The following CD2AP variants were observed in gnomAD, a reference collection of about 807,000 sequenced individuals.
CD2AP encodes CD2 associated protein.
CD2AP carries 46 observed loss-of-function variants against 85.1 expected under a neutral mutation model. The ratio of observed to expected loss-of-function variants is 0.54; its 90% CI spans 0.43 to 0.69. The LOEUF is 0.69. Among genes scored for constraint, CD2AP ranks in the 30% least tolerant of loss-of-function variants. The pLI, the probability that CD2AP is intolerant of heterozygous loss-of-function variation, is 0.00. For missense variants in CD2AP, 769 were observed against 729.5 expected (o/e 1.05, Z -0.62); for synonymous variants, 255 against 252.9 (o/e 1.01, Z -0.08).
intron 3 of CD2AP, among the ~76,000 whole-genome samples, chr6:47,543,142 CTG>C (rs1257096620): frequency 1.1e-4 from 8 of 72,138 alleles, no homozygotes; most frequent in Non-Finnish European, 1.9e-4. Context: ...CAGAGCAAGA[CTG>C]TCTCAAAAAA....
intron 9 of CD2AP, 48 bp downstream of exon 9, chr6:47,579,537 C>T (rs760223406): frequency 3.4e-5 from 42 of 1,221,616 alleles, no homozygotes; most frequent in Non-Finnish European, 4.6e-5. Flanking sequence ...GAACATTTTG[C>T]CACTATTCTT....
In CD2AP at chr6:47,595,904, T is replaced by C. The variant is rs763743863; in HGVS notation, c.1152T>C (p.Ala384=). ...AACAGAAACCTTCTAAACCAGCAGC[T>C]CCACAAGTCCCACCCAAGAAACCTA... ...TLEQKPSKPA[A]PQVPPKKPTP... The change falls in exon 12 of 18, where the codon GCT becomes GCC. Residue 384 remains alanine, a synonymous_variant. Transcript: ENST00000359314. 1 of 1,612,856 alleles carries C rather than the reference T, an allele frequency of 6.2e-7. No homozygotes were observed. Among genetic ancestry groups the C allele is most frequent in the Non-Finnish European group, 8.5e-7 (1 of 1,179,146 alleles).
In CD2AP at chr6:47,574,267, T is replaced by G. The variant is rs1768242091; in HGVS notation, c.729+16T>G. Reference sequence around the variant, plus strand: ...ACCAGAAAAGGTGGTAATGATGGACTTGTTAGATTAACTCCACTCATTCTC... The same window carrying G: ...ACCAGAAAAGGTGGTAATGATGGACGTGTTAGATTAACTCCACTCATTCTC... On this transcript the variant is annotated intron_variant, in intron 6 of 17. Coordinates refer to ENST00000359314, the MANE Select transcript of CD2AP (RefSeq NM_012120.3). 6.2e-7 allele frequency: 1 copy of G among 1,604,888 alleles called. No homozygotes were observed. Among genetic ancestry groups the G allele is most frequent in the African/African-American group, 1.3e-5 (1 of 74,756 alleles).
At chr6:47,496,047 T>TA (rs1467275274) in intron 1 of CD2AP, among the ~76,000 whole-genome samples, 1 of 152,218 alleles carries the variant, frequency 6.6e-6, no homozygotes, top group Non-Finnish European at 1.5e-5. Flanking sequence ...CCTGTATACT[T>TA]ACCACTTCTT....
At chr6:47,590,629 C>T (rs1050727674) in intron 11 of CD2AP, among the ~76,000 whole-genome samples, 2 of 151,986 alleles carry the variant, frequency 1.3e-5, no homozygotes, top group South Asian at 2.1e-4. Context: ...TGCTCACCAT[C>T]GGGTTTGAGT....
intron 1 of CD2AP, among the ~76,000 whole-genome samples, chr6:47,487,914 G>C (rs898504246): frequency 2.6e-5 from 4 of 152,002 alleles, no homozygotes; most frequent in Non-Finnish European, 5.9e-5. Flanking sequence ...ATTGGGTAGA[G>C]AGGGCCAACC....
chr6:47,507,560 G>C (rs1258473730), intron 2 of CD2AP, among the ~76,000 whole-genome samples: 1 of 152,048 alleles, frequency 6.6e-6, no homozygotes, highest in African/African-American at 2.4e-5. Context: ...TAGTTCAAGC[G>C]ATTCTCCTTG....
At chr6:47,602,762 A>G (rs1350110530) in intron 13 of CD2AP, among the ~76,000 whole-genome samples, 1 of 151,158 alleles carries the variant, frequency 6.6e-6, no homozygotes, top group Non-Finnish European at 1.5e-5. Flanking sequence ...GATGGTGTGC[A>G]CCTGTAGTCC....
At chr6:47,522,330 TGATAA>T (rs1766619575) in intron 2 of CD2AP, among the ~76,000 whole-genome samples, 1 of 152,210 alleles carries the variant, frequency 6.6e-6, no homozygotes. Flanking sequence ...CAGTATTTGT[TGATAA>T]GGGGATTCAA....
At chr6:47,590,314 A>T (rs35214470) in intron 11 of CD2AP, among the ~76,000 whole-genome samples, 38,142 of 151,976 alleles carry the variant, frequency 0.25, 5,503 homozygotes, top group East Asian at 0.6. Context: ...CTAAGCTTAA[A>T]TGAATTTGTT....
intron 13 of CD2AP, among the ~76,000 whole-genome samples, chr6:47,602,187 G>A (rs970267632): frequency 1.3e-5 from 2 of 151,622 alleles, no homozygotes; most frequent in African/African-American, 4.8e-5. Flanking sequence ...ACTGACTTTT[G>A]TACATGTAAG....
rs556359075 is a variant in CD2AP at position 47,517,728 on chromosome 6, G to C, written c.165+14288G>C. Among the ~76,000 whole-genome samples the C allele has an allele frequency of 2.6e-5, 4 of 152,152 alleles. No individual in the cohort carries two copies. The East Asian group carries it at 7.7e-4, about 29-fold the overall frequency. The stretch of plus-strand genomic sequence containing the variant: ...ATCTTTTGATGGATATAGACAATCT[G>C]GTATATAGTTTAGGTATTTAGACTT... On this transcript the variant is annotated intron_variant, in intron 2 of 17. Coordinates refer to ENST00000359314, the MANE Select transcript of CD2AP (RefSeq NM_012120.3).
At chr6:47,523,166 A>G (rs1941891749) in intron 2 of CD2AP, among the ~76,000 whole-genome samples, 1 of 152,248 alleles carries the variant, frequency 6.6e-6, no homozygotes, top group Non-Finnish European at 1.5e-5. Flanking sequence ...CGACTTTAAT[A>G]GAACAATTCA....
chr6:47,551,088 C>T (rs1233859244), intron 4 of CD2AP, among the ~76,000 whole-genome samples: 2 of 152,050 alleles, frequency 1.3e-5, no homozygotes, highest in African/African-American at 2.4e-5. Context: ...GCAGTGTATA[C>T]TCCTCAGGTG....
chr6:47,566,073 C>G (rs1767984325), intron 5 of CD2AP, among the ~76,000 whole-genome samples: 1 of 151,822 alleles, frequency 6.6e-6, no homozygotes, highest in Non-Finnish European at 1.5e-5. Context: ...TGTTGTATAC[C>G]TTTGTCTGGA....
chr6:47,519,137 C>A (rs946850709), intron 2 of CD2AP, among the ~76,000 whole-genome samples: 1 of 152,046 alleles, frequency 6.6e-6, no homozygotes, highest in Non-Finnish European at 1.5e-5. Context: ...GTGGGGCAGA[C>A]AAATATGCAA....
rs879462082 is a variant in CD2AP, at chr6:47,609,235, C to T, written c.1745C>T (p.Ser582Phe). 4 of 1,613,312 alleles carry T rather than the reference C, an allele frequency of 2.5e-6. No individual in the cohort carries two copies. Among genetic ancestry groups the T allele is most frequent in the African/African-American group, 1.3e-5 (1 of 74,828 alleles). ...KVETDDVKKN[S>F]LDELRAQIIE... ...GAAACAGATGATGTGAAAAAAAATT[C>T]CCTGGATGAACTTAGAGCCCAGATT... The change falls in exon 16 of 18, where the codon TCC (serine) becomes TTC (phenylalanine). Residue 582 changes from serine (S) to phenylalanine (F), a missense_variant. Ser to Phe is a radical substitution (Grantham distance 155). Transcript: ENST00000359314.
chr6:47,546,500 A>C (rs1767368032), intron 4 of CD2AP, among the ~76,000 whole-genome samples: 1 of 152,200 alleles, frequency 6.6e-6, no homozygotes, highest in African/African-American at 2.4e-5. Flanking sequence ...GTTTAAGAAC[A>C]CTTGGGAAAT....
chr6:47,541,114 A>G (rs1767202403), intron 3 of CD2AP, among the ~76,000 whole-genome samples: 1 of 152,008 alleles, frequency 6.6e-6, no homozygotes, highest in Admixed American at 6.6e-5. Flanking sequence ...GTTACTGTTC[A>G]CTTTCTTTTT....
Sources: allele counts gnomAD v4.1 joint callset (sites outside exome capture counted in the v4.1 genomes callset), GRCh38; gene constraint gnomAD v4.1.1; transcripts MANE v1.5; gene names NCBI Gene and HGNC (gene_info 2026-07-23, HGNC 2026-07-21).